Variants in TMEM242 observed in about 807,000 individuals in gnomAD.
The protein encoded by TMEM242 is UPF0463 transmembrane protein C6orf35.
In TMEM242, 10 loss-of-function variants were observed where a neutral mutation model predicts 18.2. The ratio of observed to expected loss-of-function variants is 0.55; its 90% CI spans 0.34 to 0.93. The LOEUF is 0.93. TMEM242 is among the 40% of genes least tolerant of loss of function. The pLI is 0.02. For synonymous variants in TMEM242, 57 were observed against 69.9 expected (o/e 0.81, Z 0.92); for missense variants, 186 against 175.5 (o/e 1.06, Z -0.34).
chr6:157,302,725 A>G (rs1053773452), intron 3 of TMEM242, among the ~76,000 whole-genome samples: 7 of 152,342 alleles, frequency 4.6e-5, no homozygotes, highest in Middle Eastern at 3.4e-3. Flanking sequence ...CTCCCTAGTG[A>G]CTTCCTATCC....
chr6:157,296,064 T>C (rs1343981511), intron 3 of TMEM242, among the ~76,000 whole-genome samples: 1 of 152,184 alleles, frequency 6.6e-6, no homozygotes, highest in Non-Finnish European at 1.5e-5. Context: ...CAACAGAACA[T>C]TTCCCTGTTT....
chr6:157,311,555 C>A (rs1778101119), intron 3 of TMEM242, among the ~76,000 whole-genome samples: 3 of 130,044 alleles, frequency 2.3e-5, no homozygotes, highest in Admixed American at 7.7e-5. Flanking sequence ...TCCCAGTGTG[C>A]GCTCACCTAG....
At chr6:157,314,396 T>G (rs141597689) in intron 3 of TMEM242, among the ~76,000 whole-genome samples, 2 of 530 alleles carry the variant, frequency 3.8e-3, no homozygotes, top group Non-Finnish European at 8.3e-3. Flanking sequence ...ACAGCTGATT[T>G]AGGAGACTAC....
At chr6:157,302,716 TCC>T (rs1554247611) in intron 3 of TMEM242, among the ~76,000 whole-genome samples, 1 of 152,218 alleles carries the variant, frequency 6.6e-6, no homozygotes, top group East Asian at 1.9e-4. Context: ...GCTAGACAGC[TCC>T]CTAGTGACTT....
chr6:157,318,519 G>C (rs975122087), intron 3 of TMEM242: 2 of 456,828 alleles, frequency 4.4e-6, no homozygotes, highest in Non-Finnish European at 7.6e-6. Flanking sequence ...CACTGCACTC[G>C]CCCTAATGTC....
chr6:157,322,375 C>T (rs587700688), intron 2 of TMEM242, among the ~76,000 whole-genome samples: 1 of 152,274 alleles, frequency 6.6e-6, no homozygotes, highest in Non-Finnish European at 1.5e-5. Context: ...AGGTGATCTG[C>T]CCCTCTCGGC....
chr6:157,318,587 A>T, intron 3 of TMEM242, 195 bp downstream of exon 3: 1 of 572,742 alleles, frequency 1.7e-6, no homozygotes, highest in South Asian at 2.8e-5. Context: ...TTGAAGTTTT[A>T]CCACCTTCAA....
At chr6:157,317,397 C>T (rs929690333) in intron 3 of TMEM242, among the ~76,000 whole-genome samples, 1 of 152,128 alleles carries the variant, frequency 6.6e-6, no homozygotes, top group Non-Finnish European at 1.5e-5. Flanking sequence ...TTTTCTTCAC[C>T]GGGTGTCCAA....
intron 2 of TMEM242, 92 bp downstream of exon 2, chr6:157,322,613 G>A (rs1423575442): frequency 1.9e-6 from 2 of 1,054,866 alleles, no homozygotes; most frequent in East Asian, 2.4e-5. Context: ...AAAGCAATGT[G>A]AAAGACCATC....
intron 3 of TMEM242, chr6:157,299,804 C>A: frequency 5.0e-6 from 8 of 1,607,784 alleles, no homozygotes; most frequent in Non-Finnish European, 6.8e-6. Flanking sequence ...CATGAAAGGG[C>A]TGCCATGTTG....
intron 3 of TMEM242, chr6:157,300,195 G>C (rs1232931361): frequency 8.4e-6 from 4 of 473,628 alleles, no homozygotes; most frequent in Admixed American, 3.4e-5. Flanking sequence ...GCAACGCCAA[G>C]AGAGCCATTA....
At chr6:157,311,346 G>C in intron 3 of TMEM242, among the ~76,000 whole-genome samples, 1 of 131,616 alleles carries the variant, frequency 7.6e-6, no homozygotes, top group African/African-American at 2.8e-5. Context: ...TAGTGTCCCA[G>C]TGTGCGCTCA....
intron 3 of TMEM242, among the ~76,000 whole-genome samples, chr6:157,302,045 C>T (rs1554247565): frequency 6.6e-6 from 1 of 152,140 alleles, no homozygotes; most frequent in Admixed American, 6.5e-5. Flanking sequence ...TTCAGGGTGA[C>T]CTCCTGGCCA....
At chr6:157,309,499 A>G (rs1485316310) in intron 3 of TMEM242, among the ~76,000 whole-genome samples, 5 of 152,104 alleles carry the variant, frequency 3.3e-5, no homozygotes, top group African/African-American at 1.2e-4. Flanking sequence ...TGCTCCTCCC[A>G]CACCTCAGCC....
In TMEM242 at chr6:157,292,921, C is replaced by T; in HGVS notation, c.406G>A (p.Glu136Lys). 1 of 1,613,224 alleles carries T rather than the reference C, an allele frequency of 6.2e-7. No homozygotes were observed. The highest frequency in any genetic ancestry group is 8.5e-7 in the Non-Finnish European group (1 of 1,179,308). ...KNSESAVEWE[E>K]TLKSK ...TCATCTCATTTGGATTTCAATGTTT[C>T]CTCCCACTCAACAGCCGATTCGGAG... The change falls in exon 4 of 4, where the codon GAA becomes AAA. Residue 136 changes from glutamate to lysine, a missense_variant. By Grantham distance (56) the Glu-to-Lys change is moderately conservative. Transcript: ENST00000400788.
At position 157,305,502 on chromosome 6, in the gene TMEM242, C is replaced by T. The variant is rs587757801; in HGVS notation, c.328-12503G>A. The stretch of plus-strand genomic sequence containing the variant: ...GAGGGCACACAATATGAAGCAGAGA[C>T]GCCGATCTGAAGGTCAGGGCTGGGG... On this transcript the variant is annotated intron_variant, in intron 3 of 3. Coordinates refer to ENST00000400788, the MANE Select transcript of TMEM242 (RefSeq NM_018452.6). This position sits in a 1 kb window ranked among gnomAD's most constrained non-coding sequence, Gnocchi z 4.1. Among the ~76,000 whole-genome samples the T allele has an allele frequency of 6.6e-5, 10 of 152,158 alleles. No individual in the cohort carries two copies. The highest frequency in any genetic ancestry group is 5.9e-4 in the Admixed American group (9 of 15,292).
intron 3 of TMEM242, among the ~76,000 whole-genome samples, chr6:157,313,422 C>G (rs1554249759): frequency 7.2e-5 from 4 of 55,328 alleles, no homozygotes; most frequent in Admixed American, 2.1e-4. Flanking sequence ...AGTGTGCGCT[C>G]ACCTGGCCTC....
chr6:157,305,086 C>G lies in TMEM242; in HGVS notation c.328-12087G>C, dbSNP rs1176377888. Among the ~76,000 whole-genome samples the G allele has an allele frequency of 6.6e-6, 1 of 152,122 alleles. No individual in the cohort carries two copies. The highest frequency in any genetic ancestry group is 1.5e-5 in the Non-Finnish European group (1 of 68,032). Reference sequence around the variant, plus strand: ...GTTTTAAATAAGGAAGTAGCATGATCTGACTCACATTTTTAAAATATCTCT... The same window carrying G: ...GTTTTAAATAAGGAAGTAGCATGATGTGACTCACATTTTTAAAATATCTCT... On this transcript the variant is annotated intron_variant, in intron 3 of 3. Coordinates refer to ENST00000400788, the MANE Select transcript of TMEM242 (RefSeq NM_018452.6). This position sits in a 1 kb window ranked among gnomAD's most constrained non-coding sequence, Gnocchi z 4.1.
intron 3 of TMEM242, among the ~76,000 whole-genome samples, chr6:157,314,368 ATT>A (rs1778344491): frequency 8.7e-5 from 1 of 11,470 alleles, no homozygotes; most frequent in Non-Finnish European, 1.6e-4. Context: ...CCCAGCATGC[ATT>A]CCCATGATCA....
Sources: allele counts gnomAD v4.1 joint callset (sites outside exome capture counted in the v4.1 genomes callset), GRCh38; gene constraint gnomAD v4.1.1; non-coding constraint Gnocchi (gnomAD v3.1); transcripts MANE v1.5; gene names NCBI Gene and HGNC (gene_info 2026-07-23, HGNC 2026-07-21).